Variants in MANEA observed in about 807,000 individuals in gnomAD.
The protein encoded by MANEA is glycoprotein endo-alpha-1,2-mannosidase.
Under a neutral mutation model 36.8 loss-of-function variants are expected in MANEA, and 25 were observed. That is an observed-to-expected ratio of 0.68 (90% confidence interval 0.50 to 0.95). MANEA has a LOEUF of 0.95. Among genes scored for constraint, MANEA ranks in the 40% least tolerant of loss-of-function variants. The pLI, the probability that MANEA is intolerant of heterozygous loss-of-function variation, is 0.00. For synonymous variants in MANEA, 198 were observed against 188.5 expected (o/e 1.05, Z -0.41); for missense variants, 565 against 558.8 (o/e 1.01, Z -0.11).
chr6:95,604,901 C>T lies in MANEA; in HGVS notation c.729C>T (p.Asp243=). The change falls in exon 4 of 5, where the codon GAC becomes GAT. Residue 243 remains aspartate (D), a splice_region_variant and synonymous_variant. Coordinates refer to ENST00000358812, the MANE Select transcript of MANEA (RefSeq NM_024641.4). The part of the protein sequence containing the change: ...NMYKNVKYII[D]KYGNHPAFYR... ...ACAAAAATGTCAAGTATATTATAGACAAGTGAGTTTCTTCAATATTTATAA... is the reference window on the plus strand; with the variant it reads ...ACAAAAATGTCAAGTATATTATAGATAAGTGAGTTTCTTCAATATTTATAA... 7.8e-7 allele frequency: 1 copy of T among 1,275,444 alleles called. No homozygotes were observed. 79.0% of individuals were successfully genotyped at this position (1,275,444 alleles called of 1,614,324 possible).
At chr6:95,591,736 C>T (rs1472656827) in intron 2 of MANEA, among the ~76,000 whole-genome samples, 4 of 152,050 alleles carry the variant, frequency 2.6e-5, no homozygotes, top group Non-Finnish European at 4.4e-5. Context: ...CCCACCCTGT[C>T]GCCCAGGCTG....
At chr6:95,596,270 A>G (rs762170830) in intron 2 of MANEA, among the ~76,000 whole-genome samples, 1 of 152,138 alleles carries the variant, frequency 6.6e-6, no homozygotes, top group African/African-American at 2.4e-5. Flanking sequence ...AATGGAGAGC[A>G]TATGGTATAA....
chr6:95,601,181 T>G (rs1769583808), intron 3 of MANEA, among the ~76,000 whole-genome samples: 1 of 152,182 alleles, frequency 6.6e-6, no homozygotes, highest in African/African-American at 2.4e-5. Flanking sequence ...TAACTGTCAT[T>G]TAGTAGGCTG....
chr6:95,585,966 C>T (rs920602273), intron 1 of MANEA, among the ~76,000 whole-genome samples: 4 of 152,040 alleles, frequency 2.6e-5, no homozygotes, highest in Admixed American at 2.0e-4. Flanking sequence ...AGTTCAAGAC[C>T]AGCCTGGTCA....
intron 2 of MANEA, among the ~76,000 whole-genome samples, chr6:95,592,917 C>T (rs546521372): frequency 2.0e-5 from 3 of 152,038 alleles, no homozygotes; most frequent in Non-Finnish European, 4.4e-5. Flanking sequence ...GAATGCATCA[C>T]TTTACTAACA....
intron 3 of MANEA, among the ~76,000 whole-genome samples, chr6:95,598,635 G>A (rs1473969656): frequency 6.6e-6 from 1 of 151,880 alleles, no homozygotes; most frequent in Non-Finnish European, 1.5e-5. Flanking sequence ...TTTTATCTAC[G>A]GATAAAACAA....
intron 3 of MANEA, among the ~76,000 whole-genome samples, chr6:95,601,907 G>A (rs1769601034): frequency 6.6e-6 from 1 of 151,636 alleles, no homozygotes; most frequent in Non-Finnish European, 1.5e-5. Context: ...TTTGCATATG[G>A]CTCTAGAGTC....
At chr6:95,588,867 A>C (rs146316680) in intron 2 of MANEA, among the ~76,000 whole-genome samples, 2 of 151,674 alleles carry the variant, frequency 1.3e-5, no homozygotes, top group Non-Finnish European at 2.9e-5. Context: ...TTTTTGGTAT[A>C]GTTTGTGATC....
chr6:95,596,398 A>G (rs959931124), intron 2 of MANEA, among the ~76,000 whole-genome samples: 3 of 152,174 alleles, frequency 2.0e-5, no homozygotes, highest in African/African-American at 7.2e-5. Flanking sequence ...CAAATGAAAG[A>G]TGTTAATTAT....
Position 95,606,280 on chromosome 6 carries a change from A to G in MANEA, c.1264A>G (p.Thr422Ala). ...EKAVPKRTSN[T>A]VYLDYRPHKP... ...AGCTGTTCCCAAAAGAACCAGTAAT[A>G]CAGTGTACCTAGATTACCGTCCTCA... The change falls in exon 5 of 5, where the codon ACA becomes GCA. Residue 422 changes from threonine to alanine, a missense_variant. By Grantham distance (58) the Thr-to-Ala change is moderately conservative. Transcript: ENST00000358812. 9 of 1,613,446 alleles carry G rather than the reference A, an allele frequency of 5.6e-6. No homozygotes were observed. The highest frequency in any genetic ancestry group is 1.1e-5 in the South Asian group (1 of 91,088).
chr6:95,581,428 A>G (rs1395691242), intron 1 of MANEA, among the ~76,000 whole-genome samples: 1 of 152,202 alleles, frequency 6.6e-6, no homozygotes, highest in African/African-American at 2.4e-5. Flanking sequence ...GCTTCCATAA[A>G]TGGACATTTT....
chr6:95,597,316 T>G (rs1398564526), intron 3 of MANEA, among the ~76,000 whole-genome samples: 1 of 152,060 alleles, frequency 6.6e-6, no homozygotes, highest in East Asian at 1.9e-4. Context: ...ATCAAGTATA[T>G]TTGATGCAGA....
chr6:95,579,853 T>G (rs965329657), intron 1 of MANEA, among the ~76,000 whole-genome samples: 1 of 152,222 alleles, frequency 6.6e-6, no homozygotes, highest in Non-Finnish European at 1.5e-5. Context: ...ACCTATTGTG[T>G]ATGAGTAATG....
chr6:95,590,730 A>T (rs1769372108), intron 2 of MANEA, among the ~76,000 whole-genome samples: 1 of 152,224 alleles, frequency 6.6e-6, no homozygotes, highest in Non-Finnish European at 1.5e-5. Context: ...TACAAAAAAA[A>T]TTTGAAAGTA....
intron 3 of MANEA, among the ~76,000 whole-genome samples, chr6:95,600,671 T>C (rs1042101633): frequency 6.6e-6 from 1 of 152,218 alleles, no homozygotes; most frequent in African/African-American, 2.4e-5. Context: ...TGTTGTAGAT[T>C]GTGTGCTGAC....
intron 3 of MANEA, among the ~76,000 whole-genome samples, chr6:95,598,650 G>T (rs1001057631): frequency 2.0e-5 from 3 of 152,048 alleles, no homozygotes; most frequent in African/African-American, 7.3e-5. Context: ...AAACAACCAT[G>T]GCACAATGTG....
Position 95,608,828 on chromosome 6 carries a change from A to G in MANEA, c.*2423A>G, listed in dbSNP as rs1769766577. The stretch of plus-strand genomic sequence containing the variant: ...ACATTAAGTCATCTCTAGATTATTT[A>G]TAACACTTAATACAATGTAAATGCT... On this transcript the variant is annotated 3_prime_UTR_variant, in exon 5 of 5. Transcript: ENST00000358812. 6.6e-6 allele frequency: 1 copy of G among 151,746 alleles called. No individual in the cohort carries two copies. Among genetic ancestry groups the G allele is most frequent in the East Asian group, 1.9e-4 (1 of 5,184 alleles). 9.4% of individuals were successfully genotyped at this position (151,746 alleles called of 1,614,324 possible).
rs1769738034 is a variant in MANEA at position 95,607,385 on chromosome 6, G to T, written c.*980G>T. 1 of 151,858 alleles carries T rather than the reference G, an allele frequency of 6.6e-6. No homozygotes were observed. The highest frequency in any genetic ancestry group is 2.4e-5 in the African/African-American group (1 of 41,388). The allele number at this position is 151,858 out of a possible 1,614,324, so 9.4% of individuals were successfully genotyped here. ...AAGAAAAATGTTATTACTGTCATTAGGTTGTCTTTTAATACTTTAAGTTAT... is the reference window on the plus strand; with the variant it reads ...AAGAAAAATGTTATTACTGTCATTATGTTGTCTTTTAATACTTTAAGTTAT... On this transcript the variant is annotated 3_prime_UTR_variant, in exon 5 of 5. Coordinates refer to ENST00000358812, the MANE Select transcript of MANEA (RefSeq NM_024641.4).
At chr6:95,594,055 C>T (rs568932538) in intron 2 of MANEA, among the ~76,000 whole-genome samples, 27 of 150,308 alleles carry the variant, frequency 1.8e-4, no homozygotes, top group Non-Finnish European at 3.7e-4. Flanking sequence ...AGCAAGATTC[C>T]GTCTCAAAAA....
Sources: gnomAD v4.1 joint callset for allele counts (sites outside exome capture counted in the v4.1 genomes callset) on GRCh38, gnomAD v4.1.1 for gene constraint, MANE v1.5 for transcripts, NCBI Gene and HGNC (gene_info 2026-07-23, HGNC 2026-07-21) for gene names.